Variants in ATP13A4 observed in about 807,000 individuals in gnomAD.
ATP13A4 encodes the protein probable cation-transporting ATPase 13A4.
A neutral mutation model predicts 142.5 loss-of-function variants in ATP13A4; 114 were observed. That is an observed-to-expected ratio of 0.80 (90% confidence interval 0.69 to 0.93). The LOEUF (loss-of-function observed/expected upper bound fraction) is 0.93, where lower values mean the gene tolerates loss of function less well. ATP13A4 is among the 40% of genes least tolerant of loss of function. The probability of loss-of-function intolerance (pLI) is 0.00; values close to 1 mark genes in which losing one functional copy is unlikely to be tolerated. For synonymous variants in ATP13A4, 488 were observed against 514.8 expected, an observed-to-expected ratio of 0.95 and a Z score of 0.70; for missense variants, 1,392 against 1,454.0, an observed-to-expected ratio of 0.96 and a Z score of 0.69.
chr3:193,430,319 A>G (rs1318083388), intron 25 of ATP13A4, among the ~76,000 whole-genome samples: 2 of 152,126 alleles, frequency 1.3e-5, no homozygotes, highest in African/African-American at 4.8e-5. Context: ...TGTTCTTTCA[A>G]TAGATTTAAC....
chr3:193,511,906 C>T (rs1451719732), intron 2 of ATP13A4, among the ~76,000 whole-genome samples: 1 of 152,228 alleles, frequency 6.6e-6, no homozygotes, highest in Non-Finnish European at 1.5e-5. Context: ...CATTTAGTGA[C>T]ACTCTTTTTT....
chr3:193,470,668 C>T (rs942795319), intron 9 of ATP13A4, among the ~76,000 whole-genome samples, 191 bp downstream of exon 9: 4 of 152,146 alleles, frequency 2.6e-5, no homozygotes, highest in African/African-American at 9.7e-5. Context: ...ATAGAAAGAG[C>T]TTTAATTTGA....
intron 1 of ATP13A4, among the ~76,000 whole-genome samples, chr3:193,590,946 G>A (rs185353719): frequency 7.2e-5 from 11 of 152,302 alleles, no homozygotes; most frequent in African/African-American, 4.8e-5. Context: ...TCCTGGTTCC[G>A]AGACATTTTT....
At chr3:193,499,529 C>T (rs753098977) in intron 3 of ATP13A4, among the ~76,000 whole-genome samples, 42 of 152,156 alleles carry the variant, frequency 2.8e-4, no homozygotes, top group Admixed American at 7.2e-4. Context: ...TCACTTTGCG[C>T]CTGAAGTTCA....
chr3:193,548,910 T>A (rs1260936093), intron 1 of ATP13A4, among the ~76,000 whole-genome samples: 1 of 152,228 alleles, frequency 6.6e-6, no homozygotes, highest in Non-Finnish European at 1.5e-5. Flanking sequence ...CTGGTTGGTA[T>A]AATATCAGTT....
intron 1 of ATP13A4, among the ~76,000 whole-genome samples, chr3:193,582,084 C>CATATATATAT (rs71912541): frequency 7.1e-4 from 31 of 43,584 alleles, no homozygotes; most frequent in Non-Finnish European, 4.1e-4. Context: ...AAAAGACTTC[C>CATATATATAT]ATATATATAT....
chr3:193,429,420 G>T (rs957018025), intron 25 of ATP13A4, among the ~76,000 whole-genome samples: 1 of 152,036 alleles, frequency 6.6e-6, no homozygotes, highest in African/African-American at 2.4e-5. Flanking sequence ...TAAATGGATA[G>T]ATAAAATGTG....
intron 28 of ATP13A4, among the ~76,000 whole-genome samples, chr3:193,408,370 A>G (rs189863821): frequency 3.3e-5 from 5 of 152,374 alleles, no homozygotes; most frequent in Admixed American, 3.3e-4. Context: ...GACTACATAT[A>G]AAGCATGGTA....
At chr3:193,555,990 G>C (rs1212990951), upstream of ATP13A4, among the ~76,000 whole-genome samples, 1 of 152,174 alleles carries the variant, frequency 6.6e-6, no homozygotes. Flanking sequence ...AGTGCTGTTA[G>C]GATTATTAAA....
intron 11 of ATP13A4, among the ~76,000 whole-genome samples, chr3:193,465,675 T>C (rs1045094713): frequency 2.6e-4 from 40 of 152,266 alleles, no homozygotes; most frequent in Non-Finnish European, 8.8e-5. Context: ...ACTGGGTGTC[T>C]GATTTTATTT....
intron 3 of ATP13A4, among the ~76,000 whole-genome samples, chr3:193,498,014 G>T (rs1283931238): frequency 6.6e-6 from 1 of 152,066 alleles, no homozygotes; most frequent in Non-Finnish European, 1.5e-5. Context: ...AGAGCAGGGT[G>T]ACTATGTTTA....
At chr3:193,592,036 C>T (rs1724816355) in intron 1 of ATP13A4, among the ~76,000 whole-genome samples, 1 of 150,254 alleles carries the variant, frequency 6.7e-6, no homozygotes, top group Non-Finnish European at 1.5e-5. Flanking sequence ...TAGGTCTACT[C>T]TTGGTGGTAT....
intron 1 of ATP13A4, among the ~76,000 whole-genome samples, chr3:193,532,178 T>C (rs1722372192): frequency 6.6e-6 from 1 of 152,018 alleles, no homozygotes; most frequent in Non-Finnish European, 1.5e-5. Context: ...ATTTAGGAAG[T>C]GCTGACTGAT....
At chr3:193,586,930 A>G (rs1724682435) in intron 1 of ATP13A4, among the ~76,000 whole-genome samples, 1 of 152,196 alleles carries the variant, frequency 6.6e-6, no homozygotes, top group Non-Finnish European at 1.5e-5. Flanking sequence ...GGGGAAAGTG[A>G]TATCTTAACA....
intron 1 of ATP13A4, among the ~76,000 whole-genome samples, chr3:193,588,003 T>C (rs969890182): frequency 6.6e-5 from 10 of 151,894 alleles, no homozygotes; most frequent in African/African-American, 2.2e-4. Context: ...CATGGTGATA[T>C]ATGTCTGCCG....
chr3:193,416,771 G>A (rs961585168), intron 25 of ATP13A4, among the ~76,000 whole-genome samples: 121 of 152,214 alleles, frequency 7.9e-4, no homozygotes, highest in Non-Finnish European at 3.8e-4. Context: ...TGGGAGTATC[G>A]GAAGGAGAGA....
intron 1 of ATP13A4, among the ~76,000 whole-genome samples, chr3:193,531,045 G>A (rs1722285037): frequency 6.6e-6 from 1 of 152,034 alleles, no homozygotes; most frequent in South Asian, 2.1e-4. Context: ...TGGACTTGCT[G>A]TTAAACTTCT....
intron 8 of ATP13A4, among the ~76,000 whole-genome samples, chr3:193,481,807 T>C (rs1719312750): frequency 6.6e-6 from 1 of 152,208 alleles, no homozygotes; most frequent in African/African-American, 2.4e-5. Flanking sequence ...GTTTATGTTA[T>C]TGTACATTTC....
At chr3:193,569,067 A>G (rs1247392355) in intron 2 of ATP13A4, among the ~76,000 whole-genome samples, 1 of 152,228 alleles carries the variant, frequency 6.6e-6, no homozygotes, top group Admixed American at 6.5e-5. Flanking sequence ...GGAAAAGAGA[A>G]GCTTTACAGT....
Sources: gnomAD v4.1 joint callset for allele counts (sites outside exome capture counted in the v4.1 genomes callset) on GRCh38, gnomAD v4.1.1 for gene constraint, MANE v1.5 for transcripts, NCBI Gene and HGNC (gene_info 2026-07-23, HGNC 2026-07-21) for gene names.